The following ZNF16 variants were observed in gnomAD, a reference collection of about 807,000 sequenced individuals.
The protein encoded by ZNF16 is zinc finger protein 16.
Under a neutral mutation model 9.0 loss-of-function variants are expected in ZNF16, and 7 were observed. That is an observed-to-expected ratio of 0.78 (90% CI 0.44 to 1.47). ZNF16 has a LOEUF of 1.47. ZNF16 is among the 40% of genes most tolerant of loss of function. The pLI is 0.01. For synonymous variants in ZNF16, 312 were observed against 301.5 expected (o/e 1.03, Z -0.36); for missense variants, 830 against 854.2 (o/e 0.97, Z 0.35).
At position 144,946,885 on chromosome 8, in the gene ZNF16, C is replaced by T. The variant is rs534816848; in HGVS notation, c.-9-670G>A. ...GTTGGGCTTGTGTCCTGCTGTGGGG[C>T]CTGTGTCCTGCTGTGGGGCCTGTAC... On this transcript the variant is annotated intron_variant, in intron 1 of 2. Coordinates refer to ENST00000394909, the MANE Select transcript of ZNF16 (RefSeq NM_006958.3). 1.0e-4 allele frequency among the ~76,000 whole-genome samples: 13 copies of T among 129,964 alleles called. No homozygotes were observed. The East Asian group carries it at 2.9e-3, about 29-fold the overall frequency. The allele number at this position is 129,964 out of a possible 152,430, so 85.3% of individuals were successfully genotyped here.
At chr8:144,943,129 T>C (rs1180745466) in intron 2 of ZNF16, among the ~76,000 whole-genome samples, 2 of 152,192 alleles carry the variant, frequency 1.3e-5, no homozygotes, top group African/African-American at 4.8e-5. Context: ...GAATTCTTAG[T>C]TGACAGGTTT....
At chr8:144,943,606 G>A (rs1425022226) in intron 2 of ZNF16, among the ~76,000 whole-genome samples, 3 of 151,648 alleles carry the variant, frequency 2.0e-5, no homozygotes, top group African/African-American at 7.3e-5. Context: ...TGCAACCTCC[G>A]CCTCCTGGGT....
chr8:144,945,749 A>C, intron 2 of ZNF16: 1 of 489,550 alleles, frequency 2.0e-6, no homozygotes, highest in African/African-American at 1.9e-5. Context: ...GGTCAGGAGT[A>C]TAGGGCAAAT....
intron 2 of ZNF16, among the ~76,000 whole-genome samples, chr8:144,943,902 G>C (rs1408987098): frequency 6.6e-6 from 1 of 152,040 alleles, no homozygotes; most frequent in Admixed American, 6.6e-5. Context: ...CGATTTTTCT[G>C]CCTGCTCAAA....
In ZNF16 at chr8:144,931,480, C is replaced by T. The variant is rs1833538583; in HGVS notation, c.1307G>A (p.Ser436Asn). ...CTGACTAAATGCTTTCCCACAGTCA[C>T]TGCACTTATAGGGCTTCTCTCCAGT... The part of the protein sequence containing the change: ...VHTGEKPYKC[S>N]DCGKAFSQSS... The change falls in exon 3 of 3, where the codon AGT becomes AAT. Residue 436 changes from serine (S) to asparagine (N), a missense_variant. Coordinates refer to ENST00000394909, the MANE Select transcript of ZNF16 (RefSeq NM_006958.3). 2 of 1,613,334 alleles carry T rather than the reference C, an allele frequency of 1.2e-6. No individual in the cohort carries two copies. The highest frequency in any genetic ancestry group is 8.5e-7 in the Non-Finnish European group (1 of 1,179,862).
intron 1 of ZNF16, chr8:144,947,824 G>A (rs1586962055): frequency 6.6e-6 from 1 of 152,486 alleles, no homozygotes; most frequent in East Asian, 1.9e-4. Context: ...GAGCAGGAGA[G>A]AGGACACTCC....
intron 2 of ZNF16, among the ~76,000 whole-genome samples, chr8:144,941,848 T>TG (rs1468102067): frequency 6.6e-6 from 1 of 150,666 alleles, no homozygotes; most frequent in East Asian, 2.0e-4. Context: ...TTAGTAGAGA[T>TG]GGGGTTTCAC....
In ZNF16 at chr8:144,932,673, A is replaced by G. The variant is rs1833587297; in HGVS notation, c.197-83T>C. 1 of 1,450,480 alleles carries G rather than the reference A, an allele frequency of 6.9e-7. No homozygotes were observed. Among genetic ancestry groups the G allele is most frequent in the African/African-American group, 1.4e-5 (1 of 70,826 alleles). The allele number at this position is 1,450,480 out of a possible 1,614,324, so 89.9% of individuals were successfully genotyped here. A position where few individuals can be genotyped will look rare whatever the true frequency, so the allele number is the denominator to read the frequency against. ...TAGACAGTCACAGTTGCACCCACTA[A>G]CTGTGGAGGAGGCAAGGGGAGCAGG... On this transcript the variant is annotated intron_variant, in intron 2 of 2. Coordinates refer to ENST00000394909, the MANE Select transcript of ZNF16 (RefSeq NM_006958.3). This position sits in a 1 kb window ranked among gnomAD's most constrained non-coding sequence, Gnocchi z 5.0.
intron 1 of ZNF16, among the ~76,000 whole-genome samples, chr8:144,949,732 C>A (rs1563927476): frequency 6.6e-6 from 1 of 152,178 alleles, no homozygotes; most frequent in South Asian, 2.1e-4. Flanking sequence ...CTCAATAAAC[C>A]AGGGGCACAA....
At chr8:144,936,416 T>C (rs1258765486) in intron 2 of ZNF16, among the ~76,000 whole-genome samples, 68 of 152,194 alleles carry the variant, frequency 4.5e-4, no homozygotes, top group Admixed American at 4.4e-3. Flanking sequence ...TCAATTATCT[T>C]GAGTATATAT....
At chr8:144,935,212 T>A (rs1833654033) in intron 2 of ZNF16, among the ~76,000 whole-genome samples, 1 of 152,170 alleles carries the variant, frequency 6.6e-6, no homozygotes, top group South Asian at 2.1e-4. Context: ...AGAAAAATTT[T>A]TTTTTTGGAG....
At chr8:144,937,839 G>A (rs1392988073) in intron 2 of ZNF16, among the ~76,000 whole-genome samples, 1 of 150,578 alleles carries the variant, frequency 6.6e-6, no homozygotes, top group South Asian at 2.1e-4. Flanking sequence ...TTTTTTTTTT[G>A]TATTTTTTTG....
intron 2 of ZNF16, among the ~76,000 whole-genome samples, chr8:144,940,027 C>T (rs1257335199): frequency 3.3e-5 from 5 of 151,994 alleles, no homozygotes; most frequent in African/African-American, 9.7e-5. Flanking sequence ...TTTATTTGCT[C>T]TTCTTTTATA....
At position 144,946,582 on chromosome 8, in the gene ZNF16, C is replaced by G. The variant is rs1242927813; in HGVS notation, c.-9-367G>C. 2.4e-3 allele frequency among the ~76,000 whole-genome samples: 327 copies of G among 135,554 alleles called. 13 individuals are homozygous for G. Among genetic ancestry groups the G allele is most frequent in the African/African-American group, 6.8e-3 (227 of 33,378 alleles). 88.9% of individuals were successfully genotyped at this position (135,554 alleles called of 152,430 possible). On this transcript the variant is annotated intron_variant, in intron 1 of 2. Coordinates refer to ENST00000394909, the MANE Select transcript of ZNF16 (RefSeq NM_006958.3). ...CTGTACCCTGCTGTGGGCCTGTGTC[C>G]TGCTGTGGGTCTGTATCCTGCTGTT...
intron 2 of ZNF16, 62 bp downstream of exon 2, chr8:144,945,949 G>T: frequency 6.3e-7 from 1 of 1,594,128 alleles, no homozygotes. Context: ...GGTAAGCACA[G>T]GGTTCCATGG....
rs373394970 is a variant in ZNF16, at chr8:144,931,227, G to T, written c.1560C>A (p.His520Gln). 7.4e-6 allele frequency: 12 copies of T among 1,613,246 alleles called. No individual in the cohort carries two copies. The highest frequency in any genetic ancestry group is 1.0e-5 in the Non-Finnish European group (12 of 1,179,846). The change falls in exon 3 of 3, where the codon CAC becomes CAA. Residue 520 changes from histidine (H) to glutamine (Q), a missense_variant. Coordinates refer to ENST00000394909, the MANE Select transcript of ZNF16 (RefSeq NM_006958.3). The part of the protein sequence containing the change: ...VHTGDKPYAC[H>Q]ECGKTFGRSS... ...TGCGACCAAAGGTCTTCCCACACTCGTGGCAGGCGTAGGGCTTGTCGCCTG... is the reference window on the plus strand; with the variant it reads ...TGCGACCAAAGGTCTTCCCACACTCTTGGCAGGCGTAGGGCTTGTCGCCTG...
chr8:144,949,205 C>A (rs973288029), intron 1 of ZNF16, among the ~76,000 whole-genome samples: 12 of 152,274 alleles, frequency 7.9e-5, no homozygotes, highest in Admixed American at 7.2e-4. Context: ...GATCCCTCAG[C>A]ACCTTCCCCC....
rs1241201620 is a variant in ZNF16, at chr8:144,950,856, G to T, written c.-69C>A. On this transcript the variant is annotated 5_prime_UTR_variant, in exon 1 of 3. Coordinates refer to ENST00000394909, the MANE Select transcript of ZNF16 (RefSeq NM_006958.3). Reference sequence around the variant, plus strand: ...GTGGCACGAAGACGTCTCAGCCAACGCCGGCTGACCCCCGGAAGTCCCGCC... The same window carrying T: ...GTGGCACGAAGACGTCTCAGCCAACTCCGGCTGACCCCCGGAAGTCCCGCC... 2 of 152,338 alleles carry T rather than the reference G, an allele frequency of 1.3e-5. No individual in the cohort carries two copies. Among genetic ancestry groups the T allele is most frequent in the Non-Finnish European group, 2.9e-5 (2 of 68,124 alleles). The allele number at this position is 152,338 out of a possible 1,614,324, so 9.4% of individuals were successfully genotyped here.
chr8:144,947,268 C>G (rs1458923304), intron 1 of ZNF16, among the ~76,000 whole-genome samples: 7 of 96,288 alleles, frequency 7.3e-5, no homozygotes, highest in African/African-American at 2.4e-4. Context: ...TGCTGTGGGG[C>G]CTGTACCCTG....
Sources: gnomAD v4.1 joint callset for allele counts (sites outside exome capture counted in the v4.1 genomes callset) on GRCh38, gnomAD v4.1.1 for gene constraint, Gnocchi (gnomAD v3.1) non-coding constraint, MANE v1.5 for transcripts, NCBI Gene and HGNC (gene_info 2026-07-23, HGNC 2026-07-21) for gene names.